Variants in DNAH14 observed in about 807,000 individuals in gnomAD.
DNAH14 encodes the protein axonemal beta dynein heavy chain 14.
In DNAH14, 478 loss-of-function variants were observed where a neutral mutation model predicts 520.9. The ratio of observed to expected loss-of-function variants is 0.92; its 90% CI spans 0.85 to 0.99. The LOEUF (loss-of-function observed/expected upper bound fraction) is 0.99. Ranked by LOEUF, DNAH14 falls within the 50% of genes least tolerant of loss-of-function variation. DNAH14 has a pLI of 0.00. For synonymous variants in DNAH14, 1,581 were observed against 1,757.2 expected, an observed-to-expected ratio of 0.90 and a Z score of 2.51; for missense variants, 4,831 against 5,234.5, an observed-to-expected ratio of 0.92 and a Z score of 2.38.
At chr1:225,203,769 A>G (rs2149410443) in intron 38 of DNAH14, among the ~76,000 whole-genome samples, 1 of 152,324 alleles carries the variant, frequency 6.6e-6, no homozygotes, top group South Asian at 2.1e-4. Flanking sequence ...ACAATCTGTA[A>G]TTTAACAAAC....
At chr1:225,264,152 A>G (rs1345955339) in intron 46 of DNAH14, 45 bp from the exon 47 acceptor site, 1 of 1,463,144 alleles carries the variant, frequency 6.8e-7, no homozygotes, top group Non-Finnish European at 9.3e-7. Flanking sequence ...TATACCTATT[A>G]TGGTAAACAA....
intron 20 of DNAH14, among the ~76,000 whole-genome samples, chr1:225,083,954 A>G (rs541296361): frequency 1.5e-4 from 23 of 152,304 alleles, no homozygotes; most frequent in Admixed American, 7.2e-4. Context: ...GACTAAATGT[A>G]GCAGCAAGCT....
intron 17 of DNAH14, among the ~76,000 whole-genome samples, chr1:225,076,028 C>A (rs2072232922): frequency 2.6e-5 from 2 of 78,192 alleles, no homozygotes; most frequent in Admixed American, 2.6e-4. Flanking sequence ...AACCTGTTGA[C>A]TGGGTCTGCT....
At chr1:225,195,092 C>G (rs1271846881) in intron 38 of DNAH14, among the ~76,000 whole-genome samples, 1 of 152,056 alleles carries the variant, frequency 6.6e-6, no homozygotes, top group Admixed American at 6.6e-5. Flanking sequence ...GTGGAAAGCA[C>G]AGTGATTTGG....
At chr1:225,223,268 A>C (rs372402894) in intron 41 of DNAH14, among the ~76,000 whole-genome samples, 1 of 152,186 alleles carries the variant, frequency 6.6e-6, no homozygotes, top group African/African-American at 2.4e-5. Flanking sequence ...TTATAAAGAG[A>C]TAAGAAAAAG....
At chr1:225,307,171 G>A (rs2150106360) in intron 58 of DNAH14, among the ~76,000 whole-genome samples, 1 of 152,162 alleles carries the variant, frequency 6.6e-6, no homozygotes, top group African/African-American at 2.4e-5. Context: ...TATTTTAACA[G>A]CATCTGTTCT....
At chr1:225,130,279 G>A (rs1040957807) in intron 27 of DNAH14, among the ~76,000 whole-genome samples, 8 of 152,158 alleles carry the variant, frequency 5.3e-5, no homozygotes, top group South Asian at 2.1e-4. Context: ...CAGAGATCTC[G>A]AACTAGAAAT....
intron 36 of DNAH14, among the ~76,000 whole-genome samples, chr1:225,182,481 C>T (rs1023295622): frequency 6.6e-6 from 1 of 152,238 alleles, no homozygotes; most frequent in Middle Eastern, 3.4e-3. Flanking sequence ...GAACAACTAT[C>T]CACACAAGAA....
chr1:225,229,962 G>A (rs973709195), intron 41 of DNAH14, among the ~76,000 whole-genome samples: 3 of 152,068 alleles, frequency 2.0e-5, no homozygotes, highest in African/African-American at 4.8e-5. Context: ...AGTAGCAGAA[G>A]GGGAAGAACA....
At chr1:225,342,808 A>T (rs1164561711) in intron 69 of DNAH14, among the ~76,000 whole-genome samples, 1 of 151,932 alleles carries the variant, frequency 6.6e-6, no homozygotes, top group Non-Finnish European at 1.5e-5. Flanking sequence ...ATGTGTTAAC[A>T]CTGGAACTTT....
At chr1:225,191,598 A>G (rs2085449819) in intron 37 of DNAH14, among the ~76,000 whole-genome samples, 1 of 151,920 alleles carries the variant, frequency 6.6e-6, no homozygotes, top group African/African-American at 2.4e-5. Flanking sequence ...TCTTTCATTA[A>G]TTGGAAAATT....
At chr1:225,335,935 A>ATG (rs1475623847) in intron 66 of DNAH14, among the ~76,000 whole-genome samples, 6 of 115,508 alleles carry the variant, frequency 5.2e-5, no homozygotes, top group African/African-American at 1.8e-4. Flanking sequence ...ATATACCTAT[A>ATG]TATACATATA....
At chr1:225,118,848 A>C (rs907069695) in intron 25 of DNAH14, among the ~76,000 whole-genome samples, 8 of 145,798 alleles carry the variant, frequency 5.5e-5, no homozygotes, top group African/African-American at 2.1e-4. Context: ...GCACCATTGC[A>C]CTCCAGCCTG....
chr1:225,054,187 G>A (rs1397066748), intron 17 of DNAH14, among the ~76,000 whole-genome samples: 1 of 152,122 alleles, frequency 6.6e-6, no homozygotes, highest in Non-Finnish European at 1.5e-5. Flanking sequence ...GTAGGAACTG[G>A]AAGTAATTGA....
At chr1:225,253,927 A>T (rs976655347) in intron 44 of DNAH14, among the ~76,000 whole-genome samples, 3 of 152,156 alleles carry the variant, frequency 2.0e-5, no homozygotes, top group Non-Finnish European at 4.4e-5. Context: ...TAGGCACTTC[A>T]TCATCCAGCT....
At chr1:225,161,997 G>A (rs1317526382) in intron 35 of DNAH14, among the ~76,000 whole-genome samples, 2 of 152,164 alleles carry the variant, frequency 1.3e-5, no homozygotes, top group African/African-American at 4.8e-5. Flanking sequence ...CTGTGCAGAA[G>A]CTTTTTAACT....
intron 77 of DNAH14, among the ~76,000 whole-genome samples, chr1:225,374,145 C>CTA (rs71170080): frequency 0.011 from 374 of 32,994 alleles, 23 homozygotes; most frequent in East Asian, 0.025. Context: ...TTGTGTCTTA[C>CTA]TATATATATA....
At position 225,351,733 on chromosome 1, in the gene DNAH14, G is replaced by C. The variant is rs1256609402; in HGVS notation, c.11383G>C (p.Glu3795Gln). The change falls in exon 72 of 86, where the codon GAA (glutamate) becomes CAA (glutamine). Residue 3795 changes from glutamate (E) to glutamine (Q), a missense_variant. By Grantham distance (29) the Glu-to-Gln change is conservative. Transcript: ENST00000682510. ...GTGCCAATATGTCAGCACTCACCTG[G>C]AACCATTTTCACTTCTGTGCAAATC... ...RQCQYVSTHLEPFSLLCKSLL... is the reference protein window; with the variant it reads ...RQCQYVSTHLQPFSLLCKSLL... 1 of 1,551,268 alleles carries C rather than the reference G, an allele frequency of 6.4e-7. No homozygotes were observed. Among genetic ancestry groups the C allele is most frequent in the African/African-American group, 1.4e-5 (1 of 73,112 alleles).
chr1:225,268,638 T>A (rs924679083), intron 49 of DNAH14, among the ~76,000 whole-genome samples: 1 of 152,180 alleles, frequency 6.6e-6, no homozygotes, highest in African/African-American at 2.4e-5. Context: ...AGTCTCAGGA[T>A]ACAAAATCAC....
Sources: gnomAD v4.1 joint callset for allele counts (sites outside exome capture counted in the v4.1 genomes callset) on GRCh38, gnomAD v4.1.1 for gene constraint, MANE v1.5 for transcripts, NCBI Gene and HGNC (gene_info 2026-07-23, HGNC 2026-07-21) for gene names.